Variants in ARHGAP26 observed in about 807,000 individuals in gnomAD.
ARHGAP26 encodes Rho GTPase activating protein 26, also known as rho GTPase-activating protein 26.
A neutral mutation model predicts 104.8 loss-of-function variants in ARHGAP26; 38 were observed. That is an observed-to-expected ratio of 0.36 (90% CI 0.28 to 0.48). The LOEUF (loss-of-function observed/expected upper bound fraction) is 0.48. Ranked by LOEUF, ARHGAP26 falls within the 20% of genes least tolerant of loss-of-function variation. ARHGAP26 has a pLI of 0.99. For missense variants in ARHGAP26, 704 were observed against 947.9 expected (o/e 0.74, Z 3.38); for synonymous variants, 341 against 340.0 (o/e 1.00, Z -0.03).
At chr5:142,860,263 A>G (rs958836562) in intron 1 of ARHGAP26, 4 of 152,246 alleles carry the variant, frequency 2.6e-5, no homozygotes, top group African/African-American at 9.6e-5. Context: ...GACCCTGTGC[A>G]TCTGTACTGG....
At chr5:142,964,480 G>T (rs1770924756) in intron 11 of ARHGAP26, among the ~76,000 whole-genome samples, 1 of 151,966 alleles carries the variant, frequency 6.6e-6, no homozygotes, top group South Asian at 2.1e-4. Flanking sequence ...ATATTGTTAA[G>T]TTCTAGCTAG....
At chr5:143,168,445 C>CTTTTTTTGTTTTTTTTTTTTTTTTTTTT (rs1802321957) in intron 20 of ARHGAP26, 1 of 25,670 alleles carries the variant, frequency 3.9e-5, no homozygotes, top group Non-Finnish European at 6.9e-5. Context: ...ATCTGGAACT[C>CTTTTTTTGTTTTTTTTTTTTTTTTTTTT]TTTTTTTTTT....
At chr5:142,950,735 G>T (rs959617139) in intron 11 of ARHGAP26, among the ~76,000 whole-genome samples, 1 of 152,134 alleles carries the variant, frequency 6.6e-6, no homozygotes, top group Non-Finnish European at 1.5e-5. Flanking sequence ...ATTTAGATTA[G>T]AGAGGGCCCC....
At chr5:142,945,326 C>G (rs1766944562) in intron 11 of ARHGAP26, among the ~76,000 whole-genome samples, 1 of 152,214 alleles carries the variant, frequency 6.6e-6, no homozygotes, top group South Asian at 2.1e-4. Flanking sequence ...CTGCCACTCA[C>G]TATACCTATT....
chr5:142,826,302 A>T (rs1767254931), intron 1 of ARHGAP26, among the ~76,000 whole-genome samples: 1 of 152,204 alleles, frequency 6.6e-6, no homozygotes, highest in Non-Finnish European at 1.5e-5. Context: ...GTAGAGTAAG[A>T]CTCACATCCG....
At chr5:142,956,562 G>C (rs527509414) in intron 11 of ARHGAP26, among the ~76,000 whole-genome samples, 1 of 152,240 alleles carries the variant, frequency 6.6e-6, no homozygotes, top group East Asian at 1.9e-4. Context: ...GGGTGACAGA[G>C]AGCCTGTCTC....
chr5:143,019,828 T>C (rs1384834282), intron 12 of ARHGAP26, among the ~76,000 whole-genome samples: 1 of 152,234 alleles, frequency 6.6e-6, no homozygotes, highest in Non-Finnish European at 1.5e-5. Context: ...GCTTGAAGGC[T>C]GAAGTCTGAC....
chr5:143,077,827 G>A (rs541994683), intron 17 of ARHGAP26, among the ~76,000 whole-genome samples: 53 of 152,284 alleles, frequency 3.5e-4, no homozygotes, highest in African/African-American at 1.2e-3. Context: ...TAGAGGGTTC[G>A]AAGGCCAAGA....
At chr5:143,093,159 T>C (rs1042292147) in intron 17 of ARHGAP26, among the ~76,000 whole-genome samples, 34 of 152,302 alleles carry the variant, frequency 2.2e-4, no homozygotes, top group African/African-American at 7.9e-4. Flanking sequence ...TTTTTTTTTT[T>C]TGGACTTAGG....
In ARHGAP26 at chr5:142,792,127, GAC is replaced by G; in HGVS notation, c.154+21214_154+21215del. Among the ~76,000 whole-genome samples the G allele has an allele frequency of 2.0e-5, 3 of 152,230 alleles. No homozygotes were observed. The South Asian group carries it at 6.2e-4, about 32-fold the overall frequency. On this transcript the variant is annotated intron_variant, in intron 1 of 22. Transcript: ENST00000645722. Reference sequence around the variant, plus strand: ...TCAGGCCTCTCATACATTGTTTGCTGACAGCGTTTCTGTGTTGGAACCACATC... The same window carrying G: ...TCAGGCCTCTCATACATTGTTTGCTGAGCGTTTCTGTGTTGGAACCACATC...
intron 10 of ARHGAP26, among the ~76,000 whole-genome samples, chr5:142,915,953 G>A (rs570022551): frequency 2.0e-5 from 3 of 152,266 alleles, no homozygotes; most frequent in Non-Finnish European, 2.9e-5. Flanking sequence ...GTCCTTTAGC[G>A]AGGAGGTGAT....
intron 1 of ARHGAP26, among the ~76,000 whole-genome samples, chr5:142,780,366 C>T (rs1348245841): frequency 1.3e-5 from 2 of 152,194 alleles, no homozygotes; most frequent in East Asian, 1.9e-4. Context: ...AGAAATGAAA[C>T]TGCTGGACCA....
chr5:143,145,525 A>T (rs748330631), intron 19 of ARHGAP26, among the ~76,000 whole-genome samples: 4 of 152,166 alleles, frequency 2.6e-5, no homozygotes, highest in African/African-American at 7.2e-5. Context: ...TAAATGGCAC[A>T]TCCAATCTCT....
At chr5:142,998,620 T>A (rs1173278484) in intron 11 of ARHGAP26, among the ~76,000 whole-genome samples, 5 of 152,152 alleles carry the variant, frequency 3.3e-5, no homozygotes, top group African/African-American at 9.7e-5. Flanking sequence ...ACAACCTGTT[T>A]CATCCAGGTC....
At chr5:143,060,506 G>A (rs1167505760) in intron 17 of ARHGAP26, among the ~76,000 whole-genome samples, 1 of 152,054 alleles carries the variant, frequency 6.6e-6, no homozygotes, top group Non-Finnish European at 1.5e-5. Flanking sequence ...GATTACCAGG[G>A]TACATCCAAA....
At chr5:142,890,332 G>A (rs527843710) in intron 5 of ARHGAP26, among the ~76,000 whole-genome samples, 17 of 151,098 alleles carry the variant, frequency 1.1e-4, no homozygotes, top group African/African-American at 3.9e-4. Context: ...TGAACACCAG[G>A]TGAAAAGGTT....
intron 1 of ARHGAP26, among the ~76,000 whole-genome samples, chr5:142,793,251 G>C: frequency 8.6e-6 from 1 of 116,004 alleles, no homozygotes; most frequent in South Asian, 2.7e-4. Context: ...ATATCCCTTT[G>C]CTTTTTTTTT....
chr5:143,029,392 GTTTTTTTTTTTTT>G (rs536919888), intron 12 of ARHGAP26, among the ~76,000 whole-genome samples: 7 of 80,844 alleles, frequency 8.7e-5, no homozygotes, highest in South Asian at 4.5e-4. Context: ...TTACTTCTCA[GTTTTTTTTTTTTT>G]TTTTTTTTTT....
At chr5:143,108,328 T>C (rs1272464897) in intron 17 of ARHGAP26, among the ~76,000 whole-genome samples, 1 of 152,224 alleles carries the variant, frequency 6.6e-6, no homozygotes, top group Non-Finnish European at 1.5e-5. Context: ...ATGTTAGAGC[T>C]CTAGGATGTT....
Sources: allele counts gnomAD v4.1 joint callset (sites outside exome capture counted in the v4.1 genomes callset), GRCh38; gene constraint gnomAD v4.1.1; transcripts MANE v1.5; gene names NCBI Gene and HGNC (gene_info 2026-07-23, HGNC 2026-07-21).